The following RUNX3 variants were observed in gnomAD, a reference collection of about 807,000 sequenced individuals.
The protein encoded by RUNX3 is RUNX family transcription factor 3.
In RUNX3, 10 loss-of-function variants were observed where a neutral mutation model predicts 27.7. The observed-to-expected ratio is 0.36, with a 90% confidence interval of 0.22 to 0.61. The LOEUF (loss-of-function observed/expected upper bound fraction) is 0.61, where lower values mean the gene tolerates loss of function less well. Among genes scored for constraint, RUNX3 ranks in the 20% least tolerant of loss-of-function variants. The pLI, the probability that RUNX3 is intolerant of heterozygous loss-of-function variation, is 0.72. For missense variants in RUNX3, 469 were observed against 629.5 expected (o/e 0.75, Z 2.73); for synonymous variants, 270 against 269.2 (o/e 1.00, Z -0.03).
intron 2 of RUNX3, among the ~76,000 whole-genome samples, chr1:24,957,382 ATTCT>A (rs990670488): frequency 6.0e-5 from 9 of 149,540 alleles, no homozygotes; most frequent in Non-Finnish European, 1.0e-4. Flanking sequence ...CCATCCATCC[ATTCT>A]TTCTTTCTTT....
chr1:24,929,656 G>A lies in RUNX3; in HGVS notation c.213C>T (p.Ser71=). 6.2e-7 allele frequency: 1 copy of A among 1,603,740 alleles called. No individual in the cohort carries two copies. Among genetic ancestry groups the A allele is most frequent in the East Asian group, 2.3e-5 (1 of 44,044 alleles). The change falls in exon 1 of 5, where the codon AGC becomes AGT. Residue 71 remains serine, a synonymous_variant. Transcript: ENST00000308873. ...GCAGCACGGAGCAGAGGAAGTTGGG[G>A]CTGTCGGTGCGCACGAGCTCGCCTG... ...DHAGELVRTD[S]PNFLCSVLPS...
intron 2 of RUNX3, among the ~76,000 whole-genome samples, chr1:24,938,221 G>T (rs901067193): frequency 1.3e-5 from 2 of 152,100 alleles, no homozygotes; most frequent in Non-Finnish European, 2.9e-5. Flanking sequence ...TTCCCTCTCT[G>T]GCCCTCAGAC....
chr1:24,931,440 C>T (rs1353809337), upstream of RUNX3, among the ~76,000 whole-genome samples: 1 of 152,164 alleles, frequency 6.6e-6, no homozygotes, highest in East Asian at 1.9e-4. Flanking sequence ...ACCTAGGGGC[C>T]GGCTACAGTT....
chr1:24,911,487 C>T (rs1640794917), intron 3 of RUNX3, among the ~76,000 whole-genome samples: 1 of 152,336 alleles, frequency 6.6e-6, no homozygotes, highest in East Asian at 1.9e-4. Flanking sequence ...GCTGCGGTGT[C>T]CCCATCACAC....
intron 2 of RUNX3, among the ~76,000 whole-genome samples, chr1:24,924,487 T>G (rs1214630685): frequency 6.6e-6 from 1 of 152,180 alleles, no homozygotes; most frequent in Non-Finnish European, 1.5e-5. Context: ...GTTCTTTTTT[T>G]TTTTTTAATT....
intron 3 of RUNX3, among the ~76,000 whole-genome samples, chr1:24,909,677 C>G (rs907305540): frequency 2.0e-5 from 3 of 152,252 alleles, no homozygotes; most frequent in Non-Finnish European, 2.9e-5. Flanking sequence ...TCTCAAGCTT[C>G]CCCTTTAGTT....
intron 2 of RUNX3, among the ~76,000 whole-genome samples, chr1:24,944,811 G>A (rs1412129329): frequency 6.6e-6 from 1 of 152,202 alleles, no homozygotes; most frequent in African/African-American, 2.4e-5. Flanking sequence ...CTCCACCAGA[G>A]CCTCCAGCAA....
At chr1:24,955,412 C>T in intron 2 of RUNX3, among the ~76,000 whole-genome samples, 1 of 152,134 alleles carries the variant, frequency 6.6e-6, no homozygotes, top group East Asian at 1.9e-4. Flanking sequence ...GCAGCAAGTC[C>T]CACCATCTGC....
intron 2 of RUNX3, among the ~76,000 whole-genome samples, chr1:24,960,012 C>T (rs377149189): frequency 4.6e-5 from 7 of 152,204 alleles, no homozygotes; most frequent in Non-Finnish European, 8.8e-5. Flanking sequence ...CCCTTAGGGA[C>T]CCAGTTTCCA....
rs1300116617 is a variant in RUNX3 at position 24,943,030 on chromosome 1, C to T, written c.59-13178G>A. On this transcript the variant is annotated intron_variant, in intron 2 of 6. Coordinates refer to the RUNX3 transcript ENST00000338888. This position sits in a 1 kb window ranked among gnomAD's most constrained non-coding sequence, Gnocchi z 4.6. ...AGCGGCTCAGGACTGGGCGGGGGTC[C>T]GGAGCGGAAGGCGCCCAGCCCTGAT... Among the ~76,000 whole-genome samples the T allele has an allele frequency of 3.3e-5, 5 of 152,328 alleles. No homozygotes were observed. Among genetic ancestry groups the T allele is most frequent in the African/African-American group, 4.8e-5 (2 of 41,568 alleles).
intron 2 of RUNX3, among the ~76,000 whole-genome samples, chr1:24,953,363 G>GA (rs71577738): frequency 0.58 from 34,939 of 60,386 alleles, 8,708 homozygotes; most frequent in East Asian, 0.66. Flanking sequence ...GACTCCGTCT[G>GA]AAAAAAAAAA....
At chr1:24,951,204 C>CAAAAAAAAAAA (rs542137531) in intron 2 of RUNX3, among the ~76,000 whole-genome samples, 1 of 96,462 alleles carries the variant, frequency 1.0e-5, no homozygotes, top group African/African-American at 4.2e-5. Context: ...GACTCCATCT[C>CAAAAAAAAAAA]AAAAAAAAAA....
At chr1:24,936,527 A>G (rs916807827) in intron 2 of RUNX3, among the ~76,000 whole-genome samples, 6 of 152,212 alleles carry the variant, frequency 3.9e-5, no homozygotes, top group African/African-American at 1.2e-4. Flanking sequence ...GGGCTCTGAG[A>G]TATCAAATCC....
rs144324624 is a variant in RUNX3, at chr1:24,902,485, C to T, written c.885G>A (p.Ala295=). ...GGAAGCGGCTGGTGGCCGGCATGCCCGCCACGCTGAGGCTGCTGATGCTCG... is the reference window on the plus strand; with the variant it reads ...GGAAGCGGCTGGTGGCCGGCATGCCTGCCACGCTGAGGCTGCTGATGCTCG... ...SGTSISSLSV[A]GMPATSRFHH... is the part of the protein sequence containing the mutation. The change falls in exon 5 of 5, where the codon GCG becomes GCA. Residue 295 remains alanine (A), a synonymous_variant. Transcript: ENST00000308873. The surrounding 1 kb of genome is among the most constrained non-coding windows in gnomAD (Gnocchi z 9.2). The T allele has an allele frequency of 2.3e-5, 37 of 1,600,302 alleles. 1 individual carries two copies. The highest frequency in any genetic ancestry group is 9.4e-5 in the African/African-American group (7 of 74,802).
At chr1:24,936,066 G>C (rs748168591) in intron 2 of RUNX3, among the ~76,000 whole-genome samples, 19 of 152,218 alleles carry the variant, frequency 1.2e-4, no homozygotes, top group Non-Finnish European at 2.5e-4. Context: ...ATCAAACACG[G>C]ACTCTTCTAC....
intron 2 of RUNX3, among the ~76,000 whole-genome samples, chr1:24,952,820 G>A (rs931585467): frequency 1.3e-5 from 2 of 152,138 alleles, no homozygotes; most frequent in African/African-American, 2.4e-5. Context: ...TGGCAGATCC[G>A]GTAGACAAAC....
At chr1:24,905,576 C>G (rs1640648578) in intron 4 of RUNX3, among the ~76,000 whole-genome samples, 1 of 152,234 alleles carries the variant, frequency 6.6e-6, no homozygotes, top group African/African-American at 2.4e-5. Flanking sequence ...TCCTCCCAGC[C>G]CAGGATGGAA....
chr1:24,906,297 G>A (rs928962003), intron 4 of RUNX3, among the ~76,000 whole-genome samples: 6 of 152,242 alleles, frequency 3.9e-5, no homozygotes, highest in African/African-American at 7.2e-5. Flanking sequence ...TGTGTGACCC[G>A]AGGGTGGCTC....
At chr1:24,934,555 G>A (rs1641304502), upstream of RUNX3, among the ~76,000 whole-genome samples, 2 of 152,194 alleles carry the variant, frequency 1.3e-5, no homozygotes. Context: ...AGCTGGGGGT[G>A]CTGAGGCTTT....
Sources: gnomAD v4.1 joint callset for allele counts (sites outside exome capture counted in the v4.1 genomes callset) on GRCh38, gnomAD v4.1.1 for gene constraint, Gnocchi (gnomAD v3.1) non-coding constraint, MANE v1.5 for transcripts, NCBI Gene and HGNC (gene_info 2026-07-23, HGNC 2026-07-21) for gene names.